RGL1: variants seen among roughly 807,000 people sequenced by gnomAD.
The protein encoded by RGL1 is ral guanine nucleotide dissociation stimulator-like 1.
A neutral mutation model predicts 95.2 loss-of-function variants in RGL1; 24 were observed. That is an observed-to-expected ratio of 0.25 (90% confidence interval 0.18 to 0.35). The LOEUF (loss-of-function observed/expected upper bound fraction) is 0.35, where lower values mean the gene tolerates loss of function less well. RGL1 is among the 10% of genes least tolerant of loss of function. The pLI is 1.00. For synonymous variants in RGL1, 329 were observed against 344.9 expected, an observed-to-expected ratio of 0.95 and a Z score of 0.51; for missense variants, 715 against 936.3, an observed-to-expected ratio of 0.76 and a Z score of 3.08.
rs1204917705 is a variant in RGL1 at position 183,891,661 on chromosome 1, G to T, written c.1056-416G>T. Among the ~76,000 whole-genome samples, 4 of 151,528 alleles carry T rather than the reference G, an allele frequency of 2.6e-5. No individual in the cohort carries two copies. In the East Asian group the frequency reaches 7.8e-4, roughly 29 times the overall value. On this transcript the variant is annotated intron_variant, in intron 8 of 17. Coordinates refer to ENST00000360851, the MANE Select transcript of RGL1 (RefSeq NM_001297671.3). ...AAATTTGGGAAAATCCCTGGTTCTG[G>T]CATCGTCATCTCTAAACTTAGGGGC... is the stretch of plus-strand genomic sequence containing the variant.
At chr1:183,669,541 A>G (rs1342343299) in intron 1 of RGL1, among the ~76,000 whole-genome samples, 1 of 152,154 alleles carries the variant, frequency 6.6e-6, no homozygotes, top group East Asian at 1.9e-4. Context: ...TCAGATCTTT[A>G]AACTGTGTTT....
chr1:183,895,630 G>A (rs183107852), intron 9 of RGL1, among the ~76,000 whole-genome samples: 23 of 152,286 alleles, frequency 1.5e-4, no homozygotes, highest in Non-Finnish European at 2.9e-4. Context: ...GAGAGAATGA[G>A]TGATACAGTC....
chr1:183,798,256 A>G (rs1660798756), intron 2 of RGL1, among the ~76,000 whole-genome samples: 1 of 152,202 alleles, frequency 6.6e-6, no homozygotes, highest in Non-Finnish European at 1.5e-5. Context: ...ATTATAGTGC[A>G]GCATTCAGTT....
intron 1 of RGL1, among the ~76,000 whole-genome samples, chr1:183,648,981 C>T (rs78130638): frequency 0.013 from 1,990 of 152,282 alleles, 51 homozygotes; most frequent in African/African-American, 0.046. Flanking sequence ...ACTCCTAGAG[C>T]ATGGGGAGGA....
intron 4 of RGL1, among the ~76,000 whole-genome samples, chr1:183,878,150 TTCTATCTATCTA>T (rs751622115): frequency 6.0e-4 from 67 of 111,646 alleles, no homozygotes; most frequent in Middle Eastern, 4.1e-3. Flanking sequence ...TTGATTTTCT[TTCTATCTATCTA>T]TCTATCTATC....
intron 10 of RGL1, among the ~76,000 whole-genome samples, chr1:183,898,760 A>C (rs181893700): frequency 6.6e-6 from 1 of 152,208 alleles, no homozygotes. Context: ...GACCTTGTAC[A>C]CAGAATGGGA....
At chr1:183,745,001 A>T (rs1657533722) in intron 2 of RGL1, among the ~76,000 whole-genome samples, 1 of 152,186 alleles carries the variant, frequency 6.6e-6, no homozygotes, top group Non-Finnish European at 1.5e-5. Context: ...TGTTAGCAGC[A>T]TATGAAAGTT....
intron 1 of RGL1, among the ~76,000 whole-genome samples, chr1:183,664,871 CT>C (rs138545474): frequency 0.082 from 12,400 of 151,902 alleles, 997 homozygotes; most frequent in African/African-American, 0.21. Context: ...AACCTGTATA[CT>C]TTTTTTTCCC....
At chr1:183,733,462 C>T (rs1399194234) in intron 1 of RGL1, among the ~76,000 whole-genome samples, 3 of 152,122 alleles carry the variant, frequency 2.0e-5, no homozygotes, top group Non-Finnish European at 4.4e-5. Flanking sequence ...TTCCTGTGTT[C>T]ATCTGGGTTA....
chr1:183,807,134 A>G (rs550597079), intron 2 of RGL1, among the ~76,000 whole-genome samples: 143 of 152,296 alleles, frequency 9.4e-4, no homozygotes, highest in African/African-American at 3.3e-3. Flanking sequence ...GTTTGTAGGT[A>G]TCACCTAGTA....
At chr1:183,728,298 C>A (rs926007890) in intron 1 of RGL1, among the ~76,000 whole-genome samples, 4 of 152,092 alleles carry the variant, frequency 2.6e-5, no homozygotes, top group Admixed American at 2.0e-4. Flanking sequence ...ACCATCAGCT[C>A]TCCTGTGTTT....
intron 1 of RGL1, 141 bp from the exon 2 acceptor site, chr1:183,806,234 T>C: frequency 3.3e-6 from 2 of 598,356 alleles, no homozygotes; most frequent in Non-Finnish European, 5.9e-6. Flanking sequence ...GTGTCTTGTA[T>C]TGCGGATTGT....
intron 2 of RGL1, among the ~76,000 whole-genome samples, chr1:183,820,238 C>T (rs59574376): frequency 0.02 from 3,050 of 152,086 alleles, 97 homozygotes; most frequent in African/African-American, 0.069. Context: ...CTATCTATTC[C>T]GTTTGTGATA....
intron 8 of RGL1, 60 bp downstream of exon 8, chr1:183,888,637 A>T (rs1558273885): frequency 1.0e-6 from 1 of 991,578 alleles, no homozygotes; most frequent in Non-Finnish European, 1.6e-6. Flanking sequence ...GGTTGTGATG[A>T]GTCCTCACCT....
At chr1:183,705,854 C>G (rs773895334) in intron 1 of RGL1, among the ~76,000 whole-genome samples, 60 of 152,094 alleles carry the variant, frequency 3.9e-4, no homozygotes, top group Admixed American at 2.1e-3. Context: ...GAGTAGGTGA[C>G]TGACAAGGAG....
chr1:183,845,030 T>C (rs974004745), intron 2 of RGL1, among the ~76,000 whole-genome samples: 11 of 152,208 alleles, frequency 7.2e-5, no homozygotes, highest in African/African-American at 2.4e-5. Flanking sequence ...TTCCAGTAGT[T>C]TGATTTCTGA....
At chr1:183,698,599 C>G (rs1184054966) in intron 1 of RGL1, among the ~76,000 whole-genome samples, 1 of 152,214 alleles carries the variant, frequency 6.6e-6, no homozygotes, top group Non-Finnish European at 1.5e-5. Context: ...AAGTAAATTT[C>G]TGATCTCATT....
intron 1 of RGL1, among the ~76,000 whole-genome samples, chr1:183,680,238 A>G (rs912335734): frequency 3.3e-5 from 5 of 151,846 alleles, no homozygotes; most frequent in African/African-American, 4.8e-5. Context: ...CCATTTGTCA[A>G]TTTTGGTTTT....
intron 1 of RGL1, among the ~76,000 whole-genome samples, chr1:183,726,986 A>G (rs1656346153): frequency 6.6e-6 from 1 of 152,186 alleles, no homozygotes; most frequent in African/African-American, 2.4e-5. Flanking sequence ...TTTTGAAAAT[A>G]TAGGAGAAAT....
Sources: gnomAD v4.1 joint callset for allele counts (sites outside exome capture counted in the v4.1 genomes callset) on GRCh38, gnomAD v4.1.1 for gene constraint, MANE v1.5 for transcripts, NCBI Gene and HGNC (gene_info 2026-07-23, HGNC 2026-07-21) for gene names.